Variants in CDH20 observed in about 807,000 individuals in gnomAD.
CDH20 encodes cadherin 20.
A neutral mutation model predicts 74.2 loss-of-function variants in CDH20; 29 were observed. The observed-to-expected ratio is 0.39, with a 90% CI of 0.29 to 0.53. The LOEUF (loss-of-function observed/expected upper bound fraction) is 0.53. Ranked by LOEUF, CDH20 falls within the 20% of genes least tolerant of loss-of-function variation. CDH20 has a pLI of 0.69. For missense variants in CDH20, 988 were observed against 1,048.3 expected (o/e 0.94, Z 0.79); for synonymous variants, 469 against 405.4 (o/e 1.16, Z -1.88).
chr18:61,432,627 C>G (rs79404290), intron 1 of CDH20, among the ~76,000 whole-genome samples: 7 of 152,320 alleles, frequency 4.6e-5, no homozygotes, highest in African/African-American at 1.7e-4. Flanking sequence ...GCATTTTCCT[C>G]TGCTCCTGTC....
At chr18:61,365,941 AC>A (rs1412676037) in intron 1 of CDH20, among the ~76,000 whole-genome samples, 2 of 152,176 alleles carry the variant, frequency 1.3e-5, no homozygotes, top group African/African-American at 4.8e-5. Context: ...CTTAGGTAAA[AC>A]TTTTTTGGTT....
At chr18:61,541,279 T>A (rs1029619220) in intron 9 of CDH20, among the ~76,000 whole-genome samples, 1 of 151,280 alleles carries the variant, frequency 6.6e-6, no homozygotes, top group African/African-American at 2.4e-5. Flanking sequence ...TTTTGTTTTA[T>A]ATTATAAAAT....
chr18:61,530,429 T>G (rs1254418974), intron 7 of CDH20, among the ~76,000 whole-genome samples: 3 of 152,238 alleles, frequency 2.0e-5, no homozygotes, highest in Admixed American at 2.0e-4. Flanking sequence ...ATATGCTGCA[T>G]GGCTAATTCA....
In CDH20 at chr18:61,341,256, G is replaced by A. The variant is rs769491570; in HGVS notation, c.-153+7429G>A. On this transcript the variant is annotated intron_variant, in intron 1 of 11. Transcript: ENST00000262717. ...CAAGATCAAGGTGCCAGCATGGTCC[G>A]TTTCTGGTGAGGGCCTTCTTCTGAG... Among the ~76,000 whole-genome samples, 7 of 152,172 alleles carry A rather than the reference G, an allele frequency of 4.6e-5. No homozygotes were observed. In the East Asian group the frequency reaches 7.7e-4, roughly 17 times the overall value.
intron 1 of CDH20, among the ~76,000 whole-genome samples, chr18:61,444,346 GT>G (rs1399429954): frequency 6.6e-6 from 1 of 152,122 alleles, no homozygotes; most frequent in Non-Finnish European, 1.5e-5. Context: ...TTTTAAAAAT[GT>G]TTCCAGATGC....
chr18:61,354,219 G>C (rs909040110), intron 1 of CDH20, among the ~76,000 whole-genome samples: 3 of 152,032 alleles, frequency 2.0e-5, no homozygotes, highest in Non-Finnish European at 2.9e-5. Context: ...TGCTGGTCTC[G>C]ACACCATTCT....
At chr18:61,421,450 A>T (rs17068297) in intron 1 of CDH20, among the ~76,000 whole-genome samples, 1 of 152,142 alleles carries the variant, frequency 6.6e-6, no homozygotes, top group African/African-American at 2.4e-5. Flanking sequence ...TAAATCTCTG[A>T]GTCTCTGGCA....
At chr18:61,436,084 T>C (rs2144307701) in intron 1 of CDH20, among the ~76,000 whole-genome samples, 1 of 152,328 alleles carries the variant, frequency 6.6e-6, no homozygotes, top group Non-Finnish European at 1.5e-5. Context: ...ATCTGTGTCG[T>C]AGCACATTTT....
At chr18:61,389,721 T>C (rs532902003) in intron 1 of CDH20, among the ~76,000 whole-genome samples, 8 of 152,320 alleles carry the variant, frequency 5.3e-5, no homozygotes, top group African/African-American at 1.4e-4. Flanking sequence ...AAAACACCTC[T>C]TTAGTTTCCA....
At chr18:61,377,578 A>G (rs1911282256) in intron 1 of CDH20, among the ~76,000 whole-genome samples, 1 of 151,920 alleles carries the variant, frequency 6.6e-6, no homozygotes, top group African/African-American at 2.4e-5. Context: ...TCAGAAATAT[A>G]TTTTATTTCT....
At chr18:61,398,042 A>G (rs1294328072) in intron 1 of CDH20, among the ~76,000 whole-genome samples, 1 of 152,230 alleles carries the variant, frequency 6.6e-6, no homozygotes, top group African/African-American at 2.4e-5. Flanking sequence ...GTCAGAGTGC[A>G]ACAAGATCAA....
chr18:61,420,700 G>A (rs1912844661), intron 1 of CDH20, among the ~76,000 whole-genome samples: 1 of 152,106 alleles, frequency 6.6e-6, no homozygotes, highest in Non-Finnish European at 1.5e-5. Context: ...GCAAGGAATT[G>A]CAATGCTCAG....
Position 61,554,415 on chromosome 18 carries a change from C to A in CDH20, c.2126C>A (p.Ser709Tyr), listed in dbSNP as rs768966872. ...ATGCTGCCCGAGATCGAGAGCCTCT[C>A]CCGCTACGTGCCTCAGACGTGCGCA... ...QDMLPEIESL[S>Y]RYVPQTCAVN... The change falls in exon 12 of 12, where the codon TCC becomes TAC. Residue 709 changes from serine (S) to tyrosine (Y), a missense_variant. Ser to Tyr is a moderately radical substitution (Grantham distance 144, BLOSUM62 -2). Transcript: ENST00000262717. 6.2e-7 allele frequency: 1 copy of A among 1,613,050 alleles called. No individual in the cohort carries two copies. The highest frequency in any genetic ancestry group is 1.1e-5 in the South Asian group (1 of 91,072).
intron 1 of CDH20, among the ~76,000 whole-genome samples, chr18:61,411,261 T>C (rs1041900090): frequency 1.4e-4 from 22 of 151,974 alleles, no homozygotes; most frequent in African/African-American, 5.3e-4. Flanking sequence ...ATAATAGATG[T>C]TGGCATGGAT....
intron 1 of CDH20, among the ~76,000 whole-genome samples, chr18:61,467,652 C>G (rs991948004): frequency 6.6e-6 from 1 of 152,174 alleles, no homozygotes; most frequent in African/African-American, 2.4e-5. Flanking sequence ...TTCTTCTCTA[C>G]TTTTGGAAAG....
At chr18:61,465,598 GAAA>G (rs34570273) in intron 1 of CDH20, among the ~76,000 whole-genome samples, 3 of 146,066 alleles carry the variant, frequency 2.1e-5, no homozygotes, top group African/African-American at 7.5e-5. Flanking sequence ...ATTACATGGG[GAAA>G]AAAAAAAAAA....
At chr18:61,481,721 T>G (rs1240670071) in intron 1 of CDH20, among the ~76,000 whole-genome samples, 1 of 152,162 alleles carries the variant, frequency 6.6e-6, no homozygotes, top group African/African-American at 2.4e-5. Context: ...TACATATATA[T>G]TTTTTAAATA....
intron 6 of CDH20, among the ~76,000 whole-genome samples, chr18:61,525,434 A>C (rs1256907735): frequency 1.3e-5 from 2 of 152,212 alleles, no homozygotes; most frequent in Non-Finnish European, 2.9e-5. Context: ...TTTACCAGGA[A>C]AGAAAAATGT....
In CDH20 at chr18:61,550,190, G is replaced by A. The variant is rs753375305; in HGVS notation, c.1861G>A (p.Ala621Thr). The A allele has an allele frequency of 7.4e-6, 12 of 1,613,890 alleles. No individual in the cohort carries two copies. The highest frequency in any genetic ancestry group is 6.7e-5 in the Admixed American group (4 of 60,006). ...GCTCCCAGTCAGTTTGAGCCGGGGC[G>A]CCCTCATTGCCATCCTCGCCTGCAT... Reference protein sequence around the residue: ...YMLPVSLSRGALIAILACIFV... With the variant: ...YMLPVSLSRGTLIAILACIFV... Residue 621 changes from alanine to threonine, a missense_variant, in exon 11 of 12, where the codon GCC becomes ACC. Physicochemically the swap from Ala to Thr is moderately conservative, Grantham distance 58 (BLOSUM62 0). Transcript: ENST00000262717.
Sources: allele counts gnomAD v4.1 joint callset (sites outside exome capture counted in the v4.1 genomes callset), GRCh38; gene constraint gnomAD v4.1.1; transcripts MANE v1.5; gene names NCBI Gene and HGNC (gene_info 2026-07-23, HGNC 2026-07-21).